Variants in TEK observed in about 807,000 individuals in gnomAD.
The protein encoded by TEK is angiopoietin-1 receptor.
A neutral mutation model predicts 131.8 loss-of-function variants in TEK; 43 were observed. The ratio of observed to expected loss-of-function variants is 0.33; its 90% CI spans 0.26 to 0.42. TEK has a LOEUF of 0.42. TEK is among the 10% of genes least tolerant of loss of function. The pLI, the probability that TEK is intolerant of heterozygous loss-of-function variation, is 1.00. For synonymous variants in TEK, 580 were observed against 491.6 expected (o/e 1.18, Z -2.38); for missense variants, 1,162 against 1,384.4 (o/e 0.84, Z 2.55).
Position 27,197,434 on chromosome 9 carries a change from T to C in TEK, c.1744T>C (p.Ser582Pro), listed in dbSNP as rs1402541491. The stretch of plus-strand genomic sequence containing the variant: ...CTTTTATGTTGAAGTGGAGAGAAGG[T>C]CTGTGCAAAAAAGTGATCAGCAGAA... Reference protein sequence around the residue: ...DDFYVEVERRSVQKSDQQNIK... With the variant: ...DDFYVEVERRPVQKSDQQNIK... Residue 582 changes from serine (S) to proline (P), a missense_variant, in exon 12 of 23, where the codon TCT (serine) becomes CCT (proline). Coordinates refer to ENST00000380036, the MANE Select transcript of TEK (RefSeq NM_000459.5). The C allele has an allele frequency of 6.2e-7, 1 of 1,614,002 alleles. No individual in the cohort carries two copies. The highest frequency in any genetic ancestry group is 2.2e-5 in the East Asian group (1 of 44,868).
In TEK at chr9:27,157,911, A is replaced by C; in HGVS notation, c.133A>C (p.Ile45Leu). The change falls in exon 2 of 23, where the codon ATT (isoleucine) becomes CTT (leucine). Residue 45 changes from isoleucine to leucine, a missense_variant. Transcript: ENST00000380036. ...VSDAETSLTCIASGWRPHEPI... is the reference protein window; with the variant it reads ...VSDAETSLTCLASGWRPHEPI... Reference sequence around the variant, plus strand: ...TGATGCTGAAACATCTCTCACCTGCATTGCCTCTGGGTGGCGCCCCCATGA... The same window carrying C: ...TGATGCTGAAACATCTCTCACCTGCCTTGCCTCTGGGTGGCGCCCCCATGA... The C allele has an allele frequency of 1.2e-6, 2 of 1,613,530 alleles. No homozygotes were observed. Among genetic ancestry groups the C allele is most frequent in the Non-Finnish European group, 1.7e-6 (2 of 1,179,854 alleles).
Position 27,169,559 on chromosome 9 carries a change from T to A in TEK, c.558T>A (p.Ala186=), listed in dbSNP as rs1564073257. The stretch of plus-strand genomic sequence containing the variant: ...TGCCTCATGCTCAGCCCCAGGATGC[T>A]GGAGTGTACTCGGCCAGGTATATAG... ...VHLPHAQPQD[A]GVYSARYIGG... Residue 186 remains alanine, a synonymous_variant, in exon 4 of 23, where the codon GCT becomes GCA. Coordinates refer to ENST00000380036, the MANE Select transcript of TEK (RefSeq NM_000459.5). The A allele has an allele frequency of 3.7e-6, 6 of 1,614,198 alleles. No homozygotes were observed. Among genetic ancestry groups the A allele is most frequent in the Non-Finnish European group, 5.1e-6 (6 of 1,180,020 alleles).
At chr9:27,178,006 G>A (rs1587556063) in intron 6 of TEK, among the ~76,000 whole-genome samples, 1 of 152,050 alleles carries the variant, frequency 6.6e-6, no homozygotes, top group Non-Finnish European at 1.5e-5. Flanking sequence ...TGTTGTCTGT[G>A]CTTTTGAGGT....
intron 2 of TEK, among the ~76,000 whole-genome samples, chr9:27,161,385 G>C (rs1765553729): frequency 6.6e-6 from 1 of 152,266 alleles, no homozygotes; most frequent in East Asian, 1.9e-4. Context: ...CTACAAAATT[G>C]TTTTGTTTTA....
chr9:27,178,199 G>A (rs1030217707), intron 6 of TEK, among the ~76,000 whole-genome samples: 6 of 151,824 alleles, frequency 4.0e-5, no homozygotes, highest in African/African-American at 1.5e-4. Flanking sequence ...GTTTTCCCAG[G>A]ACTATTTATT....
intron 1 of TEK, among the ~76,000 whole-genome samples, chr9:27,135,132 G>T (rs1822372697): frequency 6.6e-6 from 1 of 152,088 alleles, no homozygotes; most frequent in Non-Finnish European, 1.5e-5. Flanking sequence ...GCTGAGGCAG[G>T]AGAATCGCTT....
intron 1 of TEK, among the ~76,000 whole-genome samples, chr9:27,145,444 CT>C (rs1395098303): frequency 1.3e-5 from 2 of 152,182 alleles, no homozygotes; most frequent in African/African-American, 2.4e-5. Context: ...TAAAAACAGT[CT>C]TCCTCTGGGG....
chr9:27,171,913 G>T (rs1167367644), intron 4 of TEK, among the ~76,000 whole-genome samples: 1 of 152,112 alleles, frequency 6.6e-6, no homozygotes, highest in African/African-American at 2.4e-5. Context: ...AGTTTCTCTG[G>T]AGTCTGATAT....
intron 9 of TEK, among the ~76,000 whole-genome samples, chr9:27,190,265 G>T (rs539142274): frequency 1.3e-5 from 2 of 152,222 alleles, no homozygotes; most frequent in South Asian, 4.1e-4. Context: ...TGAATTTTTG[G>T]TTTTATCCTA....
intron 1 of TEK, among the ~76,000 whole-genome samples, chr9:27,149,814 C>T (rs767888007): frequency 6.6e-6 from 1 of 152,074 alleles, no homozygotes; most frequent in South Asian, 2.1e-4. Flanking sequence ...GGGAACTTGG[C>T]AGGTAATTGA....
intron 1 of TEK, among the ~76,000 whole-genome samples, chr9:27,120,567 C>T (rs922997094): frequency 7.9e-5 from 12 of 152,218 alleles, no homozygotes; most frequent in African/African-American, 2.9e-4. Flanking sequence ...CTGGCTGCAG[C>T]GACAGAAGCC....
At chr9:27,224,087 C>G (rs1007954123) in intron 21 of TEK, among the ~76,000 whole-genome samples, 3 of 152,166 alleles carry the variant, frequency 2.0e-5, no homozygotes, top group African/African-American at 7.2e-5. Flanking sequence ...AGTCGAAGAC[C>G]AGTAACAAGT....
chr9:27,163,822 C>A (rs1286232597), intron 2 of TEK, among the ~76,000 whole-genome samples: 3 of 152,196 alleles, frequency 2.0e-5, no homozygotes, highest in African/African-American at 7.2e-5. Flanking sequence ...GTAGTACTTA[C>A]ACAACAATTA....
At chr9:27,209,712 G>A (rs762113036) in intron 16 of TEK, among the ~76,000 whole-genome samples, 5 of 152,240 alleles carry the variant, frequency 3.3e-5, no homozygotes, top group Admixed American at 6.5e-5. Flanking sequence ...GCTTTCATGC[G>A]ATAGTGCTTT....
chr9:27,206,684 G>T lies in TEK; in HGVS notation c.2467G>T (p.Asp823Tyr). 1 of 1,614,112 alleles carries T rather than the reference G, an allele frequency of 6.2e-7. No individual in the cohort carries two copies. The highest frequency in any genetic ancestry group is 1.1e-5 in the South Asian group (1 of 91,068). ...AATTTATCCAGTGCTTGACTGGAAT[G>T]ACATCAAATTTCAAGATGTGATTGG... Reference protein sequence around the residue: ...PTIYPVLDWNDIKFQDVIGEG... With the variant: ...PTIYPVLDWNYIKFQDVIGEG... The change falls in exon 15 of 23, where the codon GAC becomes TAC. Residue 823 changes from aspartate (D) to tyrosine (Y), a missense_variant. Transcript: ENST00000380036.
intron 20 of TEK, among the ~76,000 whole-genome samples, chr9:27,219,462 T>G (rs1263718526): frequency 1.3e-5 from 2 of 151,938 alleles, no homozygotes; most frequent in Non-Finnish European, 2.9e-5. Flanking sequence ...ACAGGGAGGA[T>G]AACATCACAC....
chr9:27,229,551 T>C lies in TEK; in HGVS notation c.*319T>C. 2.8e-6 allele frequency: 1 copy of C among 358,034 alleles called. No individual in the cohort carries two copies. The highest frequency in any genetic ancestry group is 5.2e-6 in the Non-Finnish European group (1 of 191,258). 22.2% of individuals were successfully genotyped at this position (358,034 alleles called of 1,614,324 possible). On this transcript the variant is annotated 3_prime_UTR_variant, in exon 23 of 23. Coordinates refer to ENST00000380036, the MANE Select transcript of TEK (RefSeq NM_000459.5). ...ACAATTAGTATAATGCATAACTCAT[T>C]GTTGTCCTAGATATTTTGATATTTA...
intron 12 of TEK, among the ~76,000 whole-genome samples, chr9:27,202,580 T>C (rs749976706): frequency 2.0e-5 from 3 of 152,212 alleles, no homozygotes; most frequent in Non-Finnish European, 4.4e-5. Flanking sequence ...ATAACAGAAT[T>C]TCTAAGGCCT....
chr9:27,115,260 A>G (rs1353839396), intron 1 of TEK, among the ~76,000 whole-genome samples: 1 of 152,168 alleles, frequency 6.6e-6, no homozygotes, highest in Non-Finnish European at 1.5e-5. Context: ...GCATTTTGGG[A>G]GACTGAGGCA....
Sources: gnomAD v4.1 joint callset for allele counts (sites outside exome capture counted in the v4.1 genomes callset) on GRCh38, gnomAD v4.1.1 for gene constraint, MANE v1.5 for transcripts, NCBI Gene and HGNC (gene_info 2026-07-23, HGNC 2026-07-21) for gene names.